The following TASP1 variants were observed in gnomAD, a reference collection of about 807,000 sequenced individuals.
TASP1 encodes the protein threonine aspartase 1.
Under a neutral mutation model 56.6 loss-of-function variants are expected in TASP1, and 16 were observed. The observed-to-expected ratio is 0.28, with a 90% confidence interval of 0.19 to 0.43. The LOEUF (loss-of-function observed/expected upper bound fraction) is 0.43. TASP1 is among the 20% of genes least tolerant of loss of function. The pLI, the probability that TASP1 is intolerant of heterozygous loss-of-function variation, is 1.00. For synonymous variants in TASP1, 179 were observed against 184.2 expected, an observed-to-expected ratio of 0.97 and a Z score of 0.23; for missense variants, 393 against 511.6, an observed-to-expected ratio of 0.77 and a Z score of 2.24.
chr20:13,580,032 T>G (rs549103400), intron 6 of TASP1, among the ~76,000 whole-genome samples: 40 of 152,330 alleles, frequency 2.6e-4, no homozygotes, highest in African/African-American at 9.4e-4. Flanking sequence ...TGACAAGGTA[T>G]TAAAGCATAA....
At chr20:13,491,960 A>C (rs1475626867) in intron 10 of TASP1, among the ~76,000 whole-genome samples, 1 of 152,204 alleles carries the variant, frequency 6.6e-6, no homozygotes, top group Non-Finnish European at 1.5e-5. Flanking sequence ...AATATAACTC[A>C]TAATCTCACA....
At chr20:13,263,556 G>A in the TASP1 span, among the ~76,000 whole-genome samples, 1 of 152,166 alleles carries the variant, frequency 6.6e-6, no homozygotes, top group Admixed American at 6.5e-5. Context: ...CAAAACTTTT[G>A]CTCTTCCCTT....
chr20:13,375,246 C>T, the TASP1 span, among the ~76,000 whole-genome samples: 1 of 151,444 alleles, frequency 6.6e-6, no homozygotes, highest in Non-Finnish European at 1.5e-5. Flanking sequence ...CCCCCACCCC[C>T]CAACAGGCTC....
the TASP1 span, among the ~76,000 whole-genome samples, chr20:13,155,354 C>G: frequency 6.6e-6 from 1 of 152,182 alleles, no homozygotes; most frequent in African/African-American, 2.4e-5. Context: ...GTTTGACTCT[C>G]TAATAGCCTG....
At chr20:13,617,663 T>C (rs2048569724) in intron 4 of TASP1, among the ~76,000 whole-genome samples, 1 of 152,210 alleles carries the variant, frequency 6.6e-6, no homozygotes, top group Non-Finnish European at 1.5e-5. Flanking sequence ...TGCTCGTTTA[T>C]TTAAATAATT....
intron 8 of TASP1, among the ~76,000 whole-genome samples, chr20:13,553,033 T>C (rs1045876684): frequency 1.3e-5 from 2 of 152,152 alleles, no homozygotes; most frequent in Non-Finnish European, 2.9e-5. Context: ...ACTCCTGGGC[T>C]CAAGCTATCC....
the TASP1 span, among the ~76,000 whole-genome samples, chr20:13,178,057 C>T: frequency 6.6e-6 from 1 of 151,866 alleles, no homozygotes; most frequent in Non-Finnish European, 1.5e-5. Context: ...ATTTCAACAA[C>T]AACAACAACA....
chr20:13,253,683 C>G, the TASP1 span, among the ~76,000 whole-genome samples: 1 of 152,090 alleles, frequency 6.6e-6, no homozygotes. Context: ...AAACACATTT[C>G]CAGGCGATTC....
At chr20:13,182,285 T>G in the TASP1 span, among the ~76,000 whole-genome samples, 1 of 152,220 alleles carries the variant, frequency 6.6e-6, no homozygotes, top group Admixed American at 6.5e-5. Context: ...CAAGAGTAAT[T>G]TCACCATTCT....
chr20:13,308,410 C>G, the TASP1 span, among the ~76,000 whole-genome samples: 3 of 151,874 alleles, frequency 2.0e-5, no homozygotes, highest in Admixed American at 1.3e-4. Flanking sequence ...CTTGGCAAGG[C>G]GATGAGGAAA....
intron 11 of TASP1, among the ~76,000 whole-genome samples, chr20:13,472,047 A>G (rs1204480283): frequency 6.6e-6 from 1 of 151,868 alleles, no homozygotes; most frequent in African/African-American, 2.4e-5. Flanking sequence ...AATCCTAAGC[A>G]AAAAGAACAA....
the TASP1 span, chr20:13,133,084 G>C: frequency 2.6e-5 from 4 of 152,360 alleles, no homozygotes; most frequent in East Asian, 7.7e-4. Flanking sequence ...GACTGTCTTC[G>C]TTGTAGAGAT....
chr20:13,449,871 A>G (rs1600832555), intron 11 of TASP1, among the ~76,000 whole-genome samples: 1 of 152,106 alleles, frequency 6.6e-6, no homozygotes, highest in East Asian at 1.9e-4. Flanking sequence ...ATGCAGGAGG[A>G]CTTTTACATA....
chr20:13,475,447 G>A (rs1245054931), intron 11 of TASP1, among the ~76,000 whole-genome samples: 2 of 152,090 alleles, frequency 1.3e-5, no homozygotes, highest in African/African-American at 4.8e-5. Flanking sequence ...TAGAAATACA[G>A]GACCAGAGTT....
In TASP1 at chr20:13,397,935, T is replaced by C. The variant is rs549505128; in HGVS notation, c.1171-7483A>G. ...CTTGGTCAAGACAGCCCAAGGGAAC[T>C]GTCTTTTCCTCTTCATAGGGAACCT... On this transcript the variant is annotated intron_variant, in intron 13 of 13. Coordinates refer to ENST00000337743, the MANE Select transcript of TASP1 (RefSeq NM_017714.3). Among the ~76,000 whole-genome samples the C allele has an allele frequency of 1.3e-3, 197 of 152,312 alleles. 1 individual carries two copies. The highest frequency in any genetic ancestry group is 4.4e-3 in the African/African-American group (183 of 41,566).
the TASP1 span, among the ~76,000 whole-genome samples, chr20:13,116,718 G>A: frequency 3.9e-5 from 6 of 152,198 alleles, no homozygotes; most frequent in African/African-American, 1.4e-4. Context: ...TAAAACAAAA[G>A]AGTTCATCTA....
chr20:13,492,131 A>G (rs112723151), intron 10 of TASP1, among the ~76,000 whole-genome samples: 1 of 152,218 alleles, frequency 6.6e-6, no homozygotes, highest in Admixed American at 6.5e-5. Flanking sequence ...CGACAGCAAC[A>G]AAAGCTCACA....
At chr20:13,435,775 G>A (rs1226237716) in intron 11 of TASP1, among the ~76,000 whole-genome samples, 2 of 152,042 alleles carry the variant, frequency 1.3e-5, no homozygotes, top group Non-Finnish European at 2.9e-5. Flanking sequence ...TCTTGCCCAA[G>A]GACATCTTCT....
At chr20:13,616,863 T>C (rs566909432) in intron 4 of TASP1, 67 of 299,258 alleles carry the variant, frequency 2.2e-4, no homozygotes, top group African/African-American at 1.3e-3. Flanking sequence ...TTACTTTTAC[T>C]GTCCCAGGCT....
Sources: gnomAD v4.1 joint callset for allele counts (sites outside exome capture counted in the v4.1 genomes callset) on GRCh38, gnomAD v4.1.1 for gene constraint, MANE v1.5 for transcripts, NCBI Gene and HGNC (gene_info 2026-07-23, HGNC 2026-07-21) for gene names.